CEMIP: variants seen among roughly 807,000 people sequenced by gnomAD.
CEMIP encodes cell migration-inducing and hyaluronan-binding protein.
In CEMIP, 105 loss-of-function variants were observed where a neutral mutation model predicts 156.9. The ratio of observed to expected loss-of-function variants is 0.67; its 90% CI spans 0.57 to 0.79. The LOEUF is 0.79. CEMIP is among the 30% of genes least tolerant of loss of function. The probability of loss-of-function intolerance (pLI) is 0.00; values close to 1 mark genes in which losing one functional copy is unlikely to be tolerated. For missense variants in CEMIP, 1,457 were observed against 1,769.4 expected (o/e 0.82, Z 3.17); for synonymous variants, 676 against 668.4 (o/e 1.01, Z -0.17).
intron 1 of CEMIP, among the ~76,000 whole-genome samples, chr15:80,850,362 C>T (rs1001637010): frequency 1.3e-5 from 2 of 152,190 alleles, no homozygotes; most frequent in African/African-American, 2.4e-5. Context: ...ATGCAACCTT[C>T]ACCTTCCAGG....
chr15:80,839,919 C>T (rs75641848), intron 1 of CEMIP, among the ~76,000 whole-genome samples: 14,020 of 152,258 alleles, frequency 0.092, 842 homozygotes, highest in African/African-American at 0.16. Context: ...CACTATCCAC[C>T]GCATTTTATA....
intron 1 of CEMIP, among the ~76,000 whole-genome samples, chr15:80,813,326 T>C (rs1896712666): frequency 6.6e-6 from 1 of 151,864 alleles, no homozygotes; most frequent in Non-Finnish European, 1.5e-5. Context: ...CTCGTTATCA[T>C]TTGTAATAGG....
chr15:80,947,473 T>A (rs565661024), intron 29 of CEMIP: 1 of 188,286 alleles, frequency 5.3e-6, no homozygotes, highest in South Asian at 1.1e-4. Context: ...GTTTGTACAG[T>A]CCTTTGCAGC....
intron 1 of CEMIP, among the ~76,000 whole-genome samples, chr15:80,781,349 A>G (rs1895789081): frequency 6.6e-6 from 1 of 152,234 alleles, no homozygotes. Context: ...TTCTGATCCT[A>G]ATAGTTTTGT....
chr15:80,863,209 T>C (rs1055909332), intron 1 of CEMIP, among the ~76,000 whole-genome samples: 1 of 152,250 alleles, frequency 6.6e-6, no homozygotes, highest in South Asian at 2.1e-4. Context: ...GAGTGATGTA[T>C]TTTTTAAAAA....
At chr15:80,935,907 T>G (rs920129615) in intron 23 of CEMIP, among the ~76,000 whole-genome samples, 1 of 152,082 alleles carries the variant, frequency 6.6e-6, no homozygotes, top group Non-Finnish European at 1.5e-5. Context: ...CCCAGCTAAT[T>G]TTGTATTTTT....
At chr15:80,795,591 G>A (rs1314243713) in intron 1 of CEMIP, among the ~76,000 whole-genome samples, 2 of 152,118 alleles carry the variant, frequency 1.3e-5, no homozygotes, top group African/African-American at 4.8e-5. Context: ...AGGACACACT[G>A]GGCACGGCCA....
intron 3 of CEMIP, among the ~76,000 whole-genome samples, chr15:80,876,045 A>G (rs561906439): frequency 7.3e-4 from 111 of 152,376 alleles, no homozygotes; most frequent in Admixed American, 1.7e-3. Flanking sequence ...GTCCTGGCAG[A>G]TGCGGACTAC....
chr15:80,849,872 A>T (rs1897671168), intron 1 of CEMIP, among the ~76,000 whole-genome samples: 1 of 152,218 alleles, frequency 6.6e-6, no homozygotes, highest in South Asian at 2.1e-4. Context: ...GGATGACCCA[A>T]GAGACAATGC....
intron 1 of CEMIP, among the ~76,000 whole-genome samples, chr15:80,795,750 A>G (rs1438330448): frequency 6.6e-6 from 1 of 151,992 alleles, no homozygotes; most frequent in Non-Finnish European, 1.5e-5. Flanking sequence ...CCTGGGCAAC[A>G]CAGCAAGACC....
chr15:80,780,523 G>C (rs1358223550), intron 1 of CEMIP, among the ~76,000 whole-genome samples: 1 of 152,232 alleles, frequency 6.6e-6, no homozygotes, highest in Non-Finnish European at 1.5e-5. Flanking sequence ...AGGGTCGGAC[G>C]CTACGGCAGT....
intron 14 of CEMIP, among the ~76,000 whole-genome samples, chr15:80,915,375 T>C (rs1900231743): frequency 6.6e-6 from 1 of 152,252 alleles, no homozygotes; most frequent in Non-Finnish European, 1.5e-5. Flanking sequence ...GCTTGGAGGT[T>C]AGAAGCAAGA....
At position 80,880,930 on chromosome 15, in the gene CEMIP, C is replaced by T. The variant is rs1405980781; in HGVS notation, c.411C>T (p.Tyr137=). The T allele has an allele frequency of 1.9e-6, 3 of 1,614,218 alleles. No homozygotes were observed. Among genetic ancestry groups the T allele is most frequent in the Admixed American group, 3.3e-5 (2 of 60,032 alleles). Reference sequence around the variant, plus strand: ...ATGAAGGTATTCAGCCGGATCCTTACTATGGTCTGAAGTACATTGGGGTTG... The same window carrying T: ...ATGAAGGTATTCAGCCGGATCCTTATTATGGTCTGAAGTACATTGGGGTTG... ...RADEGIQPDP[Y]YGLKYIGVGK... The change falls in exon 6 of 30, where the codon TAC becomes TAT. Residue 137 remains tyrosine (Y), a synonymous_variant. Transcript: ENST00000394685.
chr15:80,949,438 T>C lies in CEMIP; in HGVS notation c.*514T>C. On this transcript the variant is annotated 3_prime_UTR_variant, in exon 30 of 30. Coordinates refer to ENST00000394685, the MANE Select transcript of CEMIP (RefSeq NM_001293298.2). ...AACCTCACAGGATTAGGAGCTGGGG[T>C]AGAACTGGCTATCCTTGGGGAAGAG... The C allele has an allele frequency of 5.0e-6, 1 of 200,592 alleles. No individual in the cohort carries two copies. The highest frequency in any genetic ancestry group is 1.0e-5 in the Non-Finnish European group (1 of 96,100). The allele number at this position is 200,592 out of a possible 1,614,324, so 12.4% of individuals were successfully genotyped here. A position where few individuals can be genotyped will look rare whatever the true frequency, so the allele number is the denominator to read the frequency against.
Position 80,931,692 on chromosome 15 carries a change from AG to A in CEMIP, c.2613-162del, listed in dbSNP as rs376319891. On this transcript the variant is annotated intron_variant, in intron 21 of 29. Coordinates refer to ENST00000394685, the MANE Select transcript of CEMIP (RefSeq NM_001293298.2). ...TAATTAATTAATAATGATCTGGGGC[AG>A]GGGGAGTTTCTAGAGGTGGGGATCA... Among the ~76,000 whole-genome samples the A allele has an allele frequency of 3.7e-3, 565 of 152,272 alleles. 7 individuals are homozygous for A. The highest frequency in any genetic ancestry group is 0.013 in the African/African-American group (523 of 41,560).
At chr15:80,821,656 G>C (rs955131802) in intron 1 of CEMIP, among the ~76,000 whole-genome samples, 1 of 152,228 alleles carries the variant, frequency 6.6e-6, no homozygotes, top group Non-Finnish European at 1.5e-5. Flanking sequence ...GTGTGAGGGA[G>C]AGGGAATGAG....
chr15:80,894,668 G>C (rs1016935865), intron 10 of CEMIP, among the ~76,000 whole-genome samples: 1 of 152,172 alleles, frequency 6.6e-6, no homozygotes, highest in Admixed American at 6.5e-5. Flanking sequence ...AAAGTGGCCA[G>C]CCCAGATCCT....
At chr15:80,924,820 G>C in intron 18 of CEMIP, 114 bp downstream of exon 18, 1 of 966,926 alleles carries the variant, frequency 1.0e-6, no homozygotes, top group Non-Finnish European at 1.6e-6. Flanking sequence ...CTTGCTTTGT[G>C]CTGGGCTTTG....
intron 1 of CEMIP, among the ~76,000 whole-genome samples, chr15:80,797,442 T>A (rs781678120): frequency 6.6e-5 from 10 of 152,150 alleles, no homozygotes; most frequent in Non-Finnish European, 1.5e-4. Context: ...GTGCTCATGG[T>A]CTAAGGGGAT....
Sources: allele counts gnomAD v4.1 joint callset (sites outside exome capture counted in the v4.1 genomes callset), GRCh38; gene constraint gnomAD v4.1.1; transcripts MANE v1.5; gene names NCBI Gene and HGNC (gene_info 2026-07-23, HGNC 2026-07-21).